CDH13: variants seen among roughly 807,000 people sequenced by gnomAD.
The protein encoded by CDH13 is cadherin-13.
A neutral mutation model predicts 63.8 loss-of-function variants in CDH13; 24 were observed. The observed-to-expected ratio is 0.38, with a 90% CI of 0.27 to 0.53. The LOEUF (loss-of-function observed/expected upper bound fraction) is 0.53, where lower values mean the gene tolerates loss of function less well. Ranked by LOEUF, CDH13 falls within the 20% of genes least tolerant of loss-of-function variation. The probability of loss-of-function intolerance (pLI) is 0.85; values close to 1 mark genes in which losing one functional copy is unlikely to be tolerated. For synonymous variants in CDH13, 503 were observed against 355.3 expected (o/e 1.42, Z -4.67); for missense variants, 1,049 against 903.1 (o/e 1.16, Z -2.07).
chr16:83,757,721 A>C (rs1247718322), intron 11 of CDH13, among the ~76,000 whole-genome samples: 1 of 152,220 alleles, frequency 6.6e-6, no homozygotes, highest in Non-Finnish European at 1.5e-5. Context: ...AAAAAAGGGA[A>C]AATGACTATA....
chr16:83,697,257 G>T (rs1905530569), intron 10 of CDH13, among the ~76,000 whole-genome samples: 2 of 152,270 alleles, frequency 1.3e-5, no homozygotes, highest in South Asian at 4.1e-4. Flanking sequence ...CTCAAACAAG[G>T]CCTTCTTTTG....
At chr16:82,929,127 A>G (rs1348036398) in intron 2 of CDH13, among the ~76,000 whole-genome samples, 2 of 152,134 alleles carry the variant, frequency 1.3e-5, no homozygotes, top group Non-Finnish European at 2.9e-5. Flanking sequence ...AATCAGGTTG[A>G]TACCATTTGT....
chr16:82,757,364 G>C (rs1464770453), intron 1 of CDH13, among the ~76,000 whole-genome samples: 1 of 149,838 alleles, frequency 6.7e-6, no homozygotes, highest in Non-Finnish European at 1.5e-5. Context: ...AAGTCCAAAG[G>C]CCCTTGTCTT....
At chr16:83,343,003 A>T (rs2090761920) in intron 5 of CDH13, among the ~76,000 whole-genome samples, 1 of 151,992 alleles carries the variant, frequency 6.6e-6, no homozygotes, top group Non-Finnish European at 1.5e-5. Context: ...GCTTAAAAAA[A>T]ACATAAAAGT....
At chr16:82,687,641 G>T (rs1466969066) in intron 1 of CDH13, among the ~76,000 whole-genome samples, 1 of 152,098 alleles carries the variant, frequency 6.6e-6, no homozygotes, top group South Asian at 2.1e-4. Flanking sequence ...CCGAGATTCA[G>T]TTACCTCCCA....
At chr16:82,931,513 C>CCT (rs565823742) in intron 2 of CDH13, among the ~76,000 whole-genome samples, 16 of 144,396 alleles carry the variant, frequency 1.1e-4, no homozygotes, top group African/African-American at 3.6e-4. Context: ...AGGTCCCCCC[C>CCT]TTTTTTTTTT....
intron 3 of CDH13, among the ~76,000 whole-genome samples, chr16:83,040,385 G>T (rs1348269818): frequency 1.3e-5 from 2 of 152,198 alleles, no homozygotes; most frequent in African/African-American, 2.4e-5. Flanking sequence ...CAGGAAGTCA[G>T]TCTGAGTCAC....
chr16:83,336,776 CTG>C (rs1332470435), intron 5 of CDH13, among the ~76,000 whole-genome samples: 3 of 152,200 alleles, frequency 2.0e-5, no homozygotes, highest in Admixed American at 1.3e-4. Flanking sequence ...AGTCCATGGA[CTG>C]TGTGTCATGC....
intron 7 of CDH13, among the ~76,000 whole-genome samples, chr16:83,529,429 A>C (rs2075034527): frequency 6.6e-6 from 1 of 152,226 alleles, no homozygotes; most frequent in Non-Finnish European, 1.5e-5. Flanking sequence ...AAAAAATAAA[A>C]GGTTAGATCT....
chr16:82,825,428 A>T (rs1282252114), intron 1 of CDH13: 2 of 151,952 alleles, frequency 1.3e-5, no homozygotes, highest in African/African-American at 4.9e-5. Flanking sequence ...TTTTCTTGAT[A>T]CTTCAAAAAA....
chr16:82,988,502 A>G (rs1911235761), intron 2 of CDH13, among the ~76,000 whole-genome samples: 2 of 152,014 alleles, frequency 1.3e-5, no homozygotes, highest in Non-Finnish European at 1.5e-5. Context: ...TGGCTCACAC[A>G]TGTAATCCCA....
intron 5 of CDH13, among the ~76,000 whole-genome samples, chr16:83,264,431 A>G (rs1288842407): frequency 6.6e-6 from 1 of 152,122 alleles, no homozygotes; most frequent in Non-Finnish European, 1.5e-5. Flanking sequence ...GTAGAAATAT[A>G]TATACTTATA....
In CDH13 at chr16:83,026,949, C is replaced by T. The variant is rs180843588; in HGVS notation, c.158-5061C>T. 2.6e-3 allele frequency among the ~76,000 whole-genome samples: 392 copies of T among 152,216 alleles called. 3 individuals are homozygous for T. The highest frequency in any genetic ancestry group is 0.012 in the Admixed American group (183 of 15,290). On this transcript the variant is annotated intron_variant, in intron 2 of 13. Coordinates refer to ENST00000567109, the MANE Select transcript of CDH13 (RefSeq NM_001257.5). Reference sequence around the variant, plus strand: ...GAGTGCCATTCTAAATGGATACACACGGGGTCCAGGGGCCAAGGGGAGAGC... The same window carrying T: ...GAGTGCCATTCTAAATGGATACACATGGGGTCCAGGGGCCAAGGGGAGAGC...
chr16:82,845,947 T>C (rs1400811595), intron 1 of CDH13, among the ~76,000 whole-genome samples: 2 of 152,324 alleles, frequency 1.3e-5, no homozygotes, highest in African/African-American at 2.4e-5. Context: ...GGAATCTTAA[T>C]AGTAAAGAGT....
intron 5 of CDH13, among the ~76,000 whole-genome samples, chr16:83,332,229 G>A (rs999626946): frequency 1.3e-5 from 2 of 152,056 alleles, no homozygotes; most frequent in East Asian, 3.9e-4. Flanking sequence ...CATTTCAGTA[G>A]TTTAATCTGT....
chr16:83,665,857 C>A (rs1913899817), intron 8 of CDH13, among the ~76,000 whole-genome samples: 2 of 152,172 alleles, frequency 1.3e-5, no homozygotes, highest in African/African-American at 4.8e-5. Context: ...AACATGCATT[C>A]TTGGTGTATA....
chr16:83,182,589 C>T (rs1597478747), intron 4 of CDH13, among the ~76,000 whole-genome samples: 2 of 152,186 alleles, frequency 1.3e-5, no homozygotes, highest in East Asian at 3.8e-4. Flanking sequence ...GTTAGTCATG[C>T]CATGCTGTGA....
chr16:83,168,736 C>G (rs999414794), intron 4 of CDH13, among the ~76,000 whole-genome samples: 3 of 152,098 alleles, frequency 2.0e-5, no homozygotes, highest in African/African-American at 7.2e-5. Context: ...TATCTATACT[C>G]ATTCATATAT....
intron 5 of CDH13, among the ~76,000 whole-genome samples, chr16:83,344,008 C>T (rs2090782963): frequency 6.6e-6 from 1 of 152,192 alleles, no homozygotes; most frequent in Admixed American, 6.5e-5. Flanking sequence ...TGCTCAAGGT[C>T]ACACAGATAG....
Sources: gnomAD v4.1 joint callset for allele counts (sites outside exome capture counted in the v4.1 genomes callset) on GRCh38, gnomAD v4.1.1 for gene constraint, MANE v1.5 for transcripts, NCBI Gene and HGNC (gene_info 2026-07-23, HGNC 2026-07-21) for gene names.